Variants in ZNF654 observed in about 807,000 individuals in gnomAD.
ZNF654 encodes the protein melanoma-associated antigen.
ZNF654 carries 19 observed loss-of-function variants against 95.3 expected under a neutral mutation model. The observed-to-expected ratio is 0.20, with a 90% CI of 0.14 to 0.29. The LOEUF (loss-of-function observed/expected upper bound fraction) is 0.29. Ranked by LOEUF, ZNF654 falls within the 10% of genes least tolerant of loss-of-function variation. The pLI is 1.00. For synonymous variants in ZNF654, 413 were observed against 457.9 expected (o/e 0.90, Z 1.25); for missense variants, 1,046 against 1,341.0 (o/e 0.78, Z 3.44).
rs534920761 is a variant in ZNF654, at chr3:88,097,133, A to G, written c.332+10731A>G. Among the ~76,000 whole-genome samples, 12 of 152,258 alleles carry G rather than the reference A, an allele frequency of 7.9e-5. No individual in the cohort carries two copies. In the East Asian group the frequency reaches 1.9e-3, roughly 25 times the overall value. On this transcript the variant is annotated intron_variant, in intron 2 of 8. Transcript: ENST00000636215. The stretch of plus-strand genomic sequence containing the variant: ...ATCAACAACCCTTTAATGAATTACC[A>G]TGTATGACCGGAATATGTACAAGGG...
chr3:88,083,631 A>G (rs1418195319), intron 1 of ZNF654, among the ~76,000 whole-genome samples: 2 of 152,232 alleles, frequency 1.3e-5, no homozygotes, highest in Non-Finnish European at 2.9e-5. Context: ...TCCACGATCC[A>G]TAAAAGATTG....
chr3:88,093,637 A>G (rs1379710535), intron 2 of ZNF654, among the ~76,000 whole-genome samples: 1 of 152,240 alleles, frequency 6.6e-6, no homozygotes, highest in African/African-American at 2.4e-5. Context: ...TTCTTGGACT[A>G]GACTACACAT....
intron 1 of ZNF654, among the ~76,000 whole-genome samples, chr3:88,059,742 G>A (rs932582564): frequency 4.6e-5 from 7 of 152,062 alleles, no homozygotes; most frequent in African/African-American, 1.4e-4. Flanking sequence ...GGGATGGAGG[G>A]GCTGGAAAGA....
chr3:88,085,634 G>C lies in ZNF654; in HGVS notation c.187-623G>C, dbSNP rs558998992. ...TAAATTACCCCAATTTGGCTTCAGA[G>C]AGCATTGTCATCTCCATTTTATGGT... On this transcript the variant is annotated intron_variant, in intron 1 of 8. Transcript: ENST00000636215. Among the ~76,000 whole-genome samples, 10 of 152,264 alleles carry C rather than the reference G, an allele frequency of 6.6e-5. 1 individual carries two copies. The East Asian group carries it at 1.5e-3, about 23-fold the overall frequency.
At chr3:88,077,290 A>G (rs566689279) in intron 1 of ZNF654, among the ~76,000 whole-genome samples, 42 of 151,256 alleles carry the variant, frequency 2.8e-4, no homozygotes, top group African/African-American at 1.0e-3. Flanking sequence ...GCCCTGGCTT[A>G]TGTTGGTAGT....
intron 7 of ZNF654, among the ~76,000 whole-genome samples, chr3:88,137,318 A>G (rs1175594826): frequency 6.6e-6 from 1 of 151,872 alleles, no homozygotes; most frequent in Non-Finnish European, 1.5e-5. Context: ...AAGTCTAATT[A>G]TAATTGACAT....
At chr3:88,079,368 A>C (rs1707968122) in intron 1 of ZNF654, among the ~76,000 whole-genome samples, 1 of 152,116 alleles carries the variant, frequency 6.6e-6, no homozygotes, top group Admixed American at 6.5e-5. Context: ...GCAGATATTT[A>C]ATCTAGGAAG....
intron 2 of ZNF654, among the ~76,000 whole-genome samples, chr3:88,092,353 C>G (rs1487092005): frequency 6.6e-6 from 1 of 151,938 alleles, no homozygotes; most frequent in Non-Finnish European, 1.5e-5. Context: ...TGTTACAGAG[C>G]TAAGAGATAT....
intron 2 of ZNF654, among the ~76,000 whole-genome samples, chr3:88,106,093 G>A (rs1004771633): frequency 6.6e-6 from 1 of 152,188 alleles, no homozygotes; most frequent in African/African-American, 2.4e-5. Context: ...CTGATGAGCT[G>A]CCAGAACTGG....
intron 2 of ZNF654, chr3:88,095,455 A>G: frequency 2.7e-6 from 1 of 373,788 alleles, no homozygotes; most frequent in South Asian, 2.1e-5. Flanking sequence ...TCCTCAAGGT[A>G]CGCATGCAAC....
intron 2 of ZNF654, among the ~76,000 whole-genome samples, chr3:88,110,363 CTGTGG>C (rs1221158219): frequency 6.6e-6 from 1 of 152,090 alleles, no homozygotes; most frequent in Non-Finnish European, 1.5e-5. Flanking sequence ...AACTCTACCA[CTGTGG>C]TATGAAAGCA....
At position 88,142,818 on chromosome 3, in the gene ZNF654, A is replaced by G. The variant is rs922280418; in HGVS notation, c.*1166A>G. 1 of 152,256 alleles carries G rather than the reference A, an allele frequency of 6.6e-6. No homozygotes were observed. The allele number at this position is 152,256 out of a possible 1,614,324, so 9.4% of individuals were successfully genotyped here. ...AAAACATTTGCACAAGAACACAGTA[A>G]GAGATACATTCAAGCATTGTTTTCC... is the stretch of plus-strand genomic sequence containing the variant. On this transcript the variant is annotated 3_prime_UTR_variant, in exon 9 of 9. Transcript: ENST00000636215.
intron 3 of ZNF654, among the ~76,000 whole-genome samples, chr3:88,120,853 T>C (rs1257536777): frequency 1.3e-5 from 2 of 152,162 alleles, no homozygotes; most frequent in East Asian, 1.9e-4. Context: ...TCAAAATTAC[T>C]GTATCACAGT....
chr3:88,113,480 G>A (rs767848598), intron 3 of ZNF654, among the ~76,000 whole-genome samples: 2 of 152,234 alleles, frequency 1.3e-5, no homozygotes, highest in East Asian at 1.9e-4. Context: ...GGTGAAAAAC[G>A]ATTCTTCTTT....
chr3:88,096,999 A>G (rs1473710591), intron 2 of ZNF654, among the ~76,000 whole-genome samples: 1 of 152,164 alleles, frequency 6.6e-6, no homozygotes, highest in Non-Finnish European at 1.5e-5. Flanking sequence ...CATAGAAAGA[A>G]CACTGGTCAT....
chr3:88,129,592 T>G (rs1706327923), intron 5 of ZNF654, 95 bp from the exon 6 acceptor site: 1 of 1,019,178 alleles, frequency 9.8e-7, no homozygotes, highest in Admixed American at 3.0e-5. Flanking sequence ...AAACTAGAAA[T>G]CTAAGCAATT....
chr3:88,077,263 GTGC>G lies in ZNF654; in HGVS notation c.187-8992_187-8990del, dbSNP rs1576216740. ...TGTTTCACTCACCAATATAGGCAGT[GTGC>G]TTTCCATTTCTTTGCCCTGGCTTAT... On this transcript the variant is annotated intron_variant, in intron 1 of 8. Coordinates refer to ENST00000636215, the MANE Select transcript of ZNF654 (RefSeq NM_001350134.2). Among the ~76,000 whole-genome samples the G allele has an allele frequency of 2.6e-5, 4 of 151,810 alleles. No homozygotes were observed. In the South Asian group the frequency reaches 8.3e-4, roughly 31 times the overall value.
chr3:88,102,817 CTTTTTTTT>C (rs10701359), intron 2 of ZNF654, among the ~76,000 whole-genome samples: 1 of 106,548 alleles, frequency 9.4e-6, no homozygotes, highest in Non-Finnish European at 1.8e-5. Context: ...CCTCTACTGT[CTTTTTTTT>C]TTTTTTTTTT....
intron 2 of ZNF654, among the ~76,000 whole-genome samples, chr3:88,102,576 TATGGCCC>T (rs1704488589): frequency 6.6e-6 from 1 of 152,198 alleles, no homozygotes. Flanking sequence ...ATTCACAAAC[TATGGCCC>T]ATGGGCCAAA....
Sources: allele counts gnomAD v4.1 joint callset (sites outside exome capture counted in the v4.1 genomes callset), GRCh38; gene constraint gnomAD v4.1.1; transcripts MANE v1.5; gene names NCBI Gene and HGNC (gene_info 2026-07-23, HGNC 2026-07-21).